The following CCDC3 variants were observed in gnomAD, a reference collection of about 807,000 sequenced individuals.
CCDC3 encodes coiled-coil domain containing 3.
CCDC3 carries 24 observed loss-of-function variants against 21.4 expected under a neutral mutation model. That is an observed-to-expected ratio of 1.12 (90% CI 0.81 to 1.58). The LOEUF (loss-of-function observed/expected upper bound fraction) is 1.58, where lower values mean the gene tolerates loss of function less well. CCDC3 is among the 40% of genes most tolerant of loss of function. The pLI, the probability that CCDC3 is intolerant of heterozygous loss-of-function variation, is 0.00. For missense variants in CCDC3, 425 were observed against 360.9 expected (o/e 1.18, Z -1.44); for synonymous variants, 186 against 166.0 (o/e 1.12, Z -0.93).
At chr10:12,927,434 T>C (rs1834561376) in intron 2 of CCDC3, among the ~76,000 whole-genome samples, 1 of 152,226 alleles carries the variant, frequency 6.6e-6, no homozygotes, top group East Asian at 1.9e-4. Context: ...AGATTTCTTT[T>C]TTATATTTAG....
rs1021524132 is a variant in CCDC3, at chr10:12,904,704, T to G, written c.550-6025A>C. On this transcript the variant is annotated intron_variant, in intron 2 of 2. Transcript: ENST00000378825. ...TGAAGTCTTCCTATAAGTTTCCTGG[T>G]TTCTCCGGGAAGCTCAGGTGTGAGA... Among the ~76,000 whole-genome samples, 4 of 152,158 alleles carry G rather than the reference T, an allele frequency of 2.6e-5. No homozygotes were observed. In the South Asian group the frequency reaches 8.3e-4, roughly 32 times the overall value.
At chr10:12,961,869 G>A (rs563762502) in intron 2 of CCDC3, among the ~76,000 whole-genome samples, 1 of 152,132 alleles carries the variant, frequency 6.6e-6, no homozygotes, top group South Asian at 2.1e-4. Flanking sequence ...CATAAATATG[G>A]AGAAATACCC....
intron 4 of CCDC3, chr10:13,058,134 C>T: frequency 1.2e-6 from 1 of 861,960 alleles, no homozygotes; most frequent in Non-Finnish European, 2.0e-6. Flanking sequence ...GAATCATAAC[C>T]AGGGAATCAT....
exon 4 of CCDC3, chr10:13,074,068 A>G (rs896421898): frequency 3.3e-5 from 5 of 150,844 alleles, no homozygotes; most frequent in African/African-American, 1.2e-4. Flanking sequence ...CTCCATTTAT[A>G]TGATAATCAC....
At chr10:13,029,370 C>T (rs1234877838) in intron 5 of CCDC3, among the ~76,000 whole-genome samples, 2 of 152,146 alleles carry the variant, frequency 1.3e-5, no homozygotes, top group Non-Finnish European at 2.9e-5. Context: ...GATAAAACCA[C>T]AAAGATGGGG....
intron 2 of CCDC3, among the ~76,000 whole-genome samples, chr10:12,919,456 G>A (rs1026027042): frequency 1.1e-4 from 17 of 152,056 alleles, no homozygotes; most frequent in African/African-American, 4.1e-4. Context: ...TGGGTGTGGT[G>A]TTTTGTGCCT....
chr10:12,978,153 G>C (rs1006758664), intron 2 of CCDC3, among the ~76,000 whole-genome samples: 1 of 152,072 alleles, frequency 6.6e-6, no homozygotes, highest in African/African-American at 2.4e-5. Flanking sequence ...CAAGTAGCTG[G>C]GACTATAGGC....
intron 2 of CCDC3, among the ~76,000 whole-genome samples, chr10:12,973,379 G>C (rs1207414230): frequency 6.6e-6 from 1 of 152,090 alleles, no homozygotes; most frequent in African/African-American, 2.4e-5. Context: ...TCTCCAGAGA[G>C]ACTAACCAAT....
At chr10:12,933,701 G>A (rs1929391) in intron 2 of CCDC3, among the ~76,000 whole-genome samples, 7,495 of 151,984 alleles carry the variant, frequency 0.049, 376 homozygotes, top group African/African-American at 0.12. Flanking sequence ...CAAGTGATCC[G>A]CCCGACTCGG....
rs907457985 is a variant in CCDC3 at position 12,918,752 on chromosome 10, GA to G, written c.550-20074del. 5.9e-5 allele frequency among the ~76,000 whole-genome samples: 9 copies of G among 151,808 alleles called. 1 individual carries two copies. The highest frequency in any genetic ancestry group is 2.6e-4 in the Admixed American group (4 of 15,246). On this transcript the variant is annotated intron_variant, in intron 2 of 2. Coordinates refer to ENST00000378825, the MANE Select transcript of CCDC3 (RefSeq NM_031455.4). ...GGCTTCCAACATACATTATCGAGTAGAAAAAAAAGACACCAAGTTGGCCGGG... is the reference window on the plus strand; with the variant it reads ...GGCTTCCAACATACATTATCGAGTAGAAAAAAAGACACCAAGTTGGCCGGG...
At chr10:13,026,770 G>A (rs1237167689) in intron 5 of CCDC3, among the ~76,000 whole-genome samples, 4 of 152,046 alleles carry the variant, frequency 2.6e-5, no homozygotes, top group Admixed American at 2.0e-4. Context: ...TCTCATAATA[G>A]TCAACATCAT....
intron 2 of CCDC3, among the ~76,000 whole-genome samples, chr10:12,948,354 T>TA (rs34462668): frequency 0.044 from 6,756 of 152,172 alleles, 172 homozygotes; most frequent in Non-Finnish European, 0.066. Flanking sequence ...AACAGACTAA[T>TA]ACAGCCCATA....
chr10:13,005,046 C>T (rs1835910276), upstream of CCDC3, among the ~76,000 whole-genome samples: 1 of 152,300 alleles, frequency 6.6e-6, no homozygotes, highest in South Asian at 2.1e-4. Flanking sequence ...TAACCATCAA[C>T]CAAACCACTA....
chr10:13,083,683 C>T (rs773987755), intron 3 of CCDC3, among the ~76,000 whole-genome samples: 60 of 152,366 alleles, frequency 3.9e-4, no homozygotes, highest in Non-Finnish European at 6.0e-4. Context: ...TAAGTCCTTT[C>T]GTAAGCAACT....
chr10:12,991,317 GTTGTT>G (rs1229888503), intron 2 of CCDC3, among the ~76,000 whole-genome samples: 66 of 136,068 alleles, frequency 4.9e-4, no homozygotes, highest in African/African-American at 1.7e-3. Context: ...TTTTGTTGTT[GTTGTT>G]TTGTTTTTTT....
intron 5 of CCDC3, among the ~76,000 whole-genome samples, chr10:13,047,766 T>C (rs10508453): frequency 0.083 from 12,676 of 152,250 alleles, 659 homozygotes; most frequent in Non-Finnish European, 0.12. Context: ...GACTAAGGCC[T>C]GAGATCGGTT....
Position 12,987,917 on chromosome 10 carries a change from T to C in CCDC3, c.549+10421A>G, listed in dbSNP as rs192798153. Among the ~76,000 whole-genome samples, 99 of 152,308 alleles carry C rather than the reference T, an allele frequency of 6.5e-4. 2 individuals carry two copies. The highest frequency in any genetic ancestry group is 2.3e-3 in the African/African-American group (97 of 41,566). ...TACCCACTAGTCCAAGCCTCCAGTC[T>C]TGCCTAGACAGTTCCAGTGGTTTCC... On this transcript the variant is annotated intron_variant, in intron 2 of 2. Coordinates refer to ENST00000378825, the MANE Select transcript of CCDC3 (RefSeq NM_031455.4).
intron 2 of CCDC3, among the ~76,000 whole-genome samples, chr10:12,931,453 A>G (rs1834642279): frequency 6.6e-6 from 1 of 152,218 alleles, no homozygotes. Flanking sequence ...ACCCTTCTGA[A>G]TGAATTTAGA....
Position 13,076,696 on chromosome 10 carries a change from T to C in CCDC3, c.-502-2596A>G, listed in dbSNP as rs573988524. On this transcript the variant is annotated intron_variant, in intron 3 of 6. Transcript: ENST00000378839. ...TCTGTGCTGGACATGCTCACAGACA[T>C]GTCCCAGCTCGCAGCCTATGCCCCT... Among the ~76,000 whole-genome samples the C allele has an allele frequency of 1.4e-4, 21 of 152,352 alleles. No homozygotes were observed. In the East Asian group the frequency reaches 3.5e-3, roughly 25 times the overall value.
Sources: gnomAD v4.1 joint callset for allele counts (sites outside exome capture counted in the v4.1 genomes callset) on GRCh38, gnomAD v4.1.1 for gene constraint, MANE v1.5 for transcripts, NCBI Gene and HGNC (gene_info 2026-07-23, HGNC 2026-07-21) for gene names.